The following UNC79 variants were observed in gnomAD, a reference collection of about 807,000 sequenced individuals.
The protein encoded by UNC79 is protein unc-79 homolog.
In UNC79, 37 loss-of-function variants were observed where a neutral mutation model predicts 283.1. That is an observed-to-expected ratio of 0.13 (90% CI 0.10 to 0.17). The LOEUF (loss-of-function observed/expected upper bound fraction) is 0.17, where lower values mean the gene tolerates loss of function less well. UNC79 is among the 10% of genes least tolerant of loss of function. The pLI is 1.00. For synonymous variants in UNC79, 1,107 were observed against 1,200.2 expected, an observed-to-expected ratio of 0.92 and a Z score of 1.61; for missense variants, 2,272 against 3,211.1, an observed-to-expected ratio of 0.71 and a Z score of 7.07.
chr14:93,435,850 T>C (rs951034516), intron 1 of UNC79, among the ~76,000 whole-genome samples: 3 of 152,218 alleles, frequency 2.0e-5, no homozygotes, highest in Non-Finnish European at 4.4e-5. Flanking sequence ...CATGTTCTTT[T>C]TGCCTGAAAT....
chr14:93,359,513 G>A (rs2054175558), intron 1 of UNC79, among the ~76,000 whole-genome samples: 1 of 152,190 alleles, frequency 6.6e-6, no homozygotes, highest in Non-Finnish European at 1.5e-5. Context: ...GGGCCAAGTG[G>A]CAGCACTCAA....
At chr14:93,347,730 G>T (rs1051615483) in intron 1 of UNC79, among the ~76,000 whole-genome samples, 1 of 152,110 alleles carries the variant, frequency 6.6e-6, no homozygotes, top group South Asian at 2.1e-4. Flanking sequence ...TACCATCCTC[G>T]GACGTCCTCG....
At chr14:93,436,757 A>G (rs1452366602) in intron 1 of UNC79, among the ~76,000 whole-genome samples, 1 of 152,208 alleles carries the variant, frequency 6.6e-6, no homozygotes, top group Non-Finnish European at 1.5e-5. Context: ...TAAGCAAAAA[A>G]TATATTCTTA....
In UNC79 at chr14:93,597,302, C is replaced by G. The variant is rs114442512; in HGVS notation, c.3191-57C>G. ...CAGACTGGCTAAATAAATGTGTATGCGTGTGCCTGTAGGTGTGTGTGTATT... is the reference window on the plus strand; with the variant it reads ...CAGACTGGCTAAATAAATGTGTATGGGTGTGCCTGTAGGTGTGTGTGTATT... On this transcript the variant is annotated intron_variant, in intron 23 of 48. Coordinates refer to ENST00000555664, the Ensembl canonical transcript of UNC79. 153 of 1,548,872 alleles carry G rather than the reference C, an allele frequency of 9.9e-5. No individual in the cohort carries two copies. The African/African-American group carries it at 1.9e-3, about 19-fold the overall frequency.
intron 29 of UNC79, among the ~76,000 whole-genome samples, chr14:93,619,406 A>G (rs929970501): frequency 2.6e-5 from 4 of 152,194 alleles, no homozygotes; most frequent in South Asian, 2.1e-4. Flanking sequence ...TGAGTGTTCA[A>G]TGCATTTTGA....
At chr14:93,358,104 C>G (rs2054150733) in intron 1 of UNC79, among the ~76,000 whole-genome samples, 1 of 151,552 alleles carries the variant, frequency 6.6e-6, no homozygotes, top group Non-Finnish European at 1.5e-5. Flanking sequence ...TTTAGGGTTT[C>G]TGGAGTTGGT....
intron 27 of UNC79, among the ~76,000 whole-genome samples, chr14:93,615,145 T>C (rs1443385823): frequency 6.6e-6 from 1 of 152,148 alleles, no homozygotes; most frequent in East Asian, 1.9e-4. Context: ...CCTTTTTTGA[T>C]AGATTAGAGA....
intron 1 of UNC79, among the ~76,000 whole-genome samples, chr14:93,401,091 T>G (rs1164937126): frequency 6.6e-6 from 1 of 152,194 alleles, no homozygotes; most frequent in Non-Finnish European, 1.5e-5. Flanking sequence ...GGCATCCAGA[T>G]ATAGACATCT....
chr14:93,343,742 A>G (rs1168342232), intron 1 of UNC79, among the ~76,000 whole-genome samples: 2 of 152,134 alleles, frequency 1.3e-5, no homozygotes, highest in African/African-American at 2.4e-5. Context: ...TCACATTATA[A>G]AAGGTAAGTG....
At chr14:93,493,901 A>ATATATATAT (rs1251701550) in intron 5 of UNC79, among the ~76,000 whole-genome samples, 3 of 49,254 alleles carry the variant, frequency 6.1e-5, no homozygotes, top group African/African-American at 2.7e-4. Flanking sequence ...ATATATATAT[A>ATATATATAT]TTTTTTTTTT....
intron 3 of UNC79, among the ~76,000 whole-genome samples, chr14:93,475,666 C>T (rs767056979): frequency 4.6e-5 from 7 of 152,140 alleles, no homozygotes; most frequent in Non-Finnish European, 1.0e-4. Context: ...CTTGTCAGTG[C>T]GTCTCCTTCG....
upstream of UNC79, among the ~76,000 whole-genome samples, chr14:93,425,344 T>C (rs925176792): frequency 6.6e-6 from 1 of 152,032 alleles, no homozygotes; most frequent in African/African-American, 2.4e-5. Flanking sequence ...ACTGGATCCA[T>C]ACCATGACAC....
chr14:93,349,320 G>A (rs957360196), intron 1 of UNC79, among the ~76,000 whole-genome samples: 3 of 152,218 alleles, frequency 2.0e-5, no homozygotes, highest in African/African-American at 7.2e-5. Context: ...AAGAACAGCA[G>A]AAGCGAGACT....
chr14:93,687,309 T>G (rs2074320086), intron 43 of UNC79, among the ~76,000 whole-genome samples: 1 of 152,146 alleles, frequency 6.6e-6, no homozygotes, highest in Non-Finnish European at 1.5e-5. Context: ...AAAATCCCAG[T>G]GAAATTGTTG....
At chr14:93,662,087 G>T (rs911094382) in intron 39 of UNC79, among the ~76,000 whole-genome samples, 5 of 152,184 alleles carry the variant, frequency 3.3e-5, no homozygotes, top group African/African-American at 1.2e-4. Context: ...TTCAGGGGGA[G>T]AAACCAAAAC....
At chr14:93,613,053 C>T in exon 27 of UNC79, 1 of 1,614,216 alleles carries the variant, frequency 6.2e-7, no homozygotes. Flanking sequence ...TGTCAACTTG[C>T]TTTAATGCAT....
At chr14:93,484,788 A>G (rs1226184322) in intron 4 of UNC79, among the ~76,000 whole-genome samples, 1 of 152,226 alleles carries the variant, frequency 6.6e-6, no homozygotes, top group African/African-American at 2.4e-5. Flanking sequence ...TAGAATTGCA[A>G]TGATTTTATT....
intron 14 of UNC79, among the ~76,000 whole-genome samples, chr14:93,548,792 C>T (rs1328535212): frequency 6.6e-6 from 1 of 152,218 alleles, no homozygotes; most frequent in Admixed American, 6.5e-5. Flanking sequence ...GAATACTTTG[C>T]ACACAGAGGT....
intron 1 of UNC79, among the ~76,000 whole-genome samples, chr14:93,351,040 G>T (rs371519719): frequency 2.0e-5 from 3 of 151,896 alleles, no homozygotes; most frequent in Non-Finnish European, 2.9e-5. Flanking sequence ...CAGACTCTGT[G>T]TCTGATTAAA....
Sources: gnomAD v4.1 joint callset for allele counts (sites outside exome capture counted in the v4.1 genomes callset) on GRCh38, gnomAD v4.1.1 for gene constraint, MANE v1.5 for transcripts, NCBI Gene and HGNC (gene_info 2026-07-23, HGNC 2026-07-21) for gene names.